The following BPIFB1 variants were observed in gnomAD, a reference collection of about 807,000 sequenced individuals.
The protein encoded by BPIFB1 is BPI fold-containing family B member 1.
In BPIFB1, 34 loss-of-function variants were observed where a neutral mutation model predicts 55.1. That is an observed-to-expected ratio of 0.62 (90% confidence interval 0.47 to 0.82). The LOEUF is 0.82. BPIFB1 is among the 40% of genes least tolerant of loss of function. The probability of loss-of-function intolerance (pLI) is 0.00; values close to 1 mark genes in which losing one functional copy is unlikely to be tolerated. For synonymous variants in BPIFB1, 236 were observed against 245.3 expected (o/e 0.96, Z 0.35); for missense variants, 532 against 593.1 (o/e 0.90, Z 1.07).
Position 33,288,780 on chromosome 20 carries a change from T to G in BPIFB1, c.155T>G (p.Ile52Ser), listed in dbSNP as rs1980353320. The G allele has an allele frequency of 6.2e-7, 1 of 1,613,824 alleles. No individual in the cohort carries two copies. Among genetic ancestry groups the G allele is most frequent in the Non-Finnish European group, 8.5e-7 (1 of 1,180,034 alleles). Reference protein sequence around the residue: ...QELKDHNATSILQQLPLLSAM... With the variant: ...QELKDHNATSSLQQLPLLSAM... ...CTGAAGGACCACAACGCCACCAGCA[T>G]CCTGCAGCAGCTGCCGCTGCTCAGT... Residue 52 changes from isoleucine (I) to serine (S), a missense_variant, in exon 3 of 16, where the codon ATC becomes AGC. Ile to Ser is a moderately radical substitution (Grantham distance 142, BLOSUM62 -2). Coordinates refer to ENST00000253354, the MANE Select transcript of BPIFB1 (RefSeq NM_033197.3).
At chr20:33,304,915 G>A (rs1980974667) in intron 13 of BPIFB1, 24 bp downstream of exon 13, 2 of 1,613,360 alleles carry the variant, frequency 1.2e-6, no homozygotes, top group South Asian at 1.1e-5. Context: ...GGTGGTGCCT[G>A]AGGGCACAGG....
At chr20:33,304,563 G>A (rs959204446) in intron 12 of BPIFB1, among the ~76,000 whole-genome samples, 62 of 152,176 alleles carry the variant, frequency 4.1e-4, no homozygotes, top group Admixed American at 3.3e-4. Context: ...GAATTGGGGC[G>A]CCCTTTGAAG....
intron 2 of BPIFB1, among the ~76,000 whole-genome samples, chr20:33,287,893 C>T (rs529001529): frequency 6.6e-6 from 1 of 152,220 alleles, no homozygotes; most frequent in African/African-American, 2.4e-5. Context: ...GAATCCCCCC[C>T]ATGCCCCTCC....
chr20:33,291,486 C>T (rs558209829), intron 5 of BPIFB1, among the ~76,000 whole-genome samples: 1 of 152,330 alleles, frequency 6.6e-6, no homozygotes, highest in East Asian at 1.9e-4. Context: ...CAAGTGGCCA[C>T]CCTGTGTCTC....
chr20:33,288,639 C>T, intron 2 of BPIFB1, 102 bp from the exon 3 acceptor site: 2 of 1,418,914 alleles, frequency 1.4e-6, no homozygotes, highest in Non-Finnish European at 1.9e-6. Context: ...CTCGCCTTAC[C>T]TCAGGGAGCC....
chr20:33,283,560 C>T lies in BPIFB1; in HGVS notation c.-42+306C>T, dbSNP rs1980166558. 3.9e-5 allele frequency among the ~76,000 whole-genome samples: 6 copies of T among 152,032 alleles called. No homozygotes were observed. In the South Asian group the frequency reaches 1.2e-3, roughly 32 times the overall value. On this transcript the variant is annotated intron_variant, in intron 1 of 15. Coordinates refer to ENST00000253354, the MANE Select transcript of BPIFB1 (RefSeq NM_033197.3). Reference sequence around the variant, plus strand: ...CAGCTGTGCTGCGGTGGTGCTGGGACAAAAGAAGCATGAGACGCAGACTCT... The same window carrying T: ...CAGCTGTGCTGCGGTGGTGCTGGGATAAAAGAAGCATGAGACGCAGACTCT...
In BPIFB1 at chr20:33,295,682, G is replaced by GAAAGAAAGAAAGAAAGAAAGAAAGAA. The variant is rs1568650131; in HGVS notation, c.598-1842_598-1841insAAGAAAGAAAGAAAGAAAGAAAGAAA. ...AAAGAGAGAAAGAAAGAAAGAAAGA[G>GAAAGAAAGAAAGAAAGAAAGAAAGAA]AGAAAAAAAGGGAGAAAAGGAAGCA... On this transcript the variant is annotated intron_variant, in intron 6 of 15. Transcript: ENST00000253354. Among the ~76,000 whole-genome samples the GAAAGAAAGAAAGAAAGAAAGAAAGAA allele has an allele frequency of 1.5e-4, 19 of 128,850 alleles. 1 individual carries two copies. The highest frequency in any genetic ancestry group is 7.5e-4 in the African/African-American group (18 of 23,956). The allele number at this position is 128,850 out of a possible 152,430, so 84.5% of individuals were successfully genotyped here.
chr20:33,290,807 C>A, intron 4 of BPIFB1, 150 bp from the exon 5 acceptor site: 1 of 808,632 alleles, frequency 1.2e-6, no homozygotes, highest in Non-Finnish European at 1.9e-6. Context: ...GAGCCTGGGA[C>A]ATGCTGGGGT....
intron 12 of BPIFB1, among the ~76,000 whole-genome samples, chr20:33,304,567 T>C (rs914966478): frequency 1.8e-4 from 28 of 152,288 alleles, no homozygotes; most frequent in African/African-American, 6.5e-4. Context: ...TGGGGCGCCC[T>C]TTGAAGGAGC....
intron 4 of BPIFB1, 79 bp downstream of exon 4, chr20:33,290,071 G>T: frequency 8.9e-7 from 1 of 1,129,752 alleles, no homozygotes. Flanking sequence ...CCACCATGCA[G>T]GTGTCTGGAA....
At chr20:33,285,530 G>A (rs560452364) in intron 1 of BPIFB1, among the ~76,000 whole-genome samples, 8 of 151,680 alleles carry the variant, frequency 5.3e-5, no homozygotes, top group Non-Finnish European at 8.8e-5. Flanking sequence ...TGGCTAACAC[G>A]GTGAAACCCC....
chr20:33,285,378 G>C (rs1047084277), intron 1 of BPIFB1, among the ~76,000 whole-genome samples: 3 of 151,222 alleles, frequency 2.0e-5, no homozygotes, highest in Non-Finnish European at 4.4e-5. Context: ...GGAAGCAGAA[G>C]TTCTTTGTTC....
chr20:33,291,779 C>T, intron 5 of BPIFB1, 128 bp from the exon 6 acceptor site: 1 of 793,050 alleles, frequency 1.3e-6, no homozygotes, highest in South Asian at 1.6e-5. Context: ...AGCCCCGTCT[C>T]TAACACGTCC....
In BPIFB1 at chr20:33,297,529, G is replaced by GT. The variant is rs1454050914; in HGVS notation, c.603dup (p.Pro202SerfsTer27). The GT allele has an allele frequency of 6.2e-7, 1 of 1,614,224 alleles. No individual in the cohort carries two copies. The highest frequency in any genetic ancestry group is 8.5e-7 in the Non-Finnish European group (1 of 1,180,036). On this transcript the variant is annotated frameshift_variant, in exon 7 of 16. Transcript: ENST00000253354. LOFTEE classifies it high-confidence loss of function. Reference sequence around the variant, plus strand: ...CCCTTGCTTATGCTGTTGCAGCTGTGTCCCGTGATCGAGGCTTCCTTCAAT... The same window carrying GT: ...CCCTTGCTTATGCTGTTGCAGCTGTGTTCCCGTGATCGAGGCTTCCTTCAAT...
chr20:33,294,394 T>G (rs1295205313), intron 6 of BPIFB1, among the ~76,000 whole-genome samples: 2 of 152,222 alleles, frequency 1.3e-5, no homozygotes, highest in East Asian at 1.9e-4. Context: ...ATGAATTGTG[T>G]GATCTCAAAG....
intron 2 of BPIFB1, 122 bp downstream of exon 2, chr20:33,286,310 G>A: frequency 2.4e-6 from 2 of 833,362 alleles, no homozygotes; most frequent in South Asian, 3.2e-5. Context: ...CCAGAACGTG[G>A]GTGAACATGA....
chr20:33,303,890 T>C, intron 11 of BPIFB1, 68 bp from the exon 12 acceptor site: 1 of 1,528,408 alleles, frequency 6.5e-7, no homozygotes, highest in South Asian at 1.1e-5. Context: ...AGAGCCTCCC[T>C]GCATAACCCC....
chr20:33,306,092 C>G (rs201932060), intron 14 of BPIFB1, 27 bp downstream of exon 14: 2 of 1,612,830 alleles, frequency 1.2e-6, no homozygotes, highest in Non-Finnish European at 1.7e-6. Flanking sequence ...TCTGTGCCCC[C>G]TCTCTCCCCA....
In BPIFB1 at chr20:33,302,844, C is replaced by T. The variant is rs936738004; in HGVS notation, c.982-72C>T. 162 of 1,563,872 alleles carry T rather than the reference C, an allele frequency of 1.0e-4. 1 individual carries two copies. The highest frequency in any genetic ancestry group is 1.4e-4 in the Non-Finnish European group (159 of 1,145,804). ...GGAGCCCAGGAAGGCAGGCAGGGGC[C>T]AGGCCACACACAGAGCCTGTGGGCC... On this transcript the variant is annotated intron_variant, in intron 10 of 15. Coordinates refer to ENST00000253354, the MANE Select transcript of BPIFB1 (RefSeq NM_033197.3).
Sources: gnomAD v4.1 joint callset for allele counts (sites outside exome capture counted in the v4.1 genomes callset) on GRCh38, gnomAD v4.1.1 for gene constraint, MANE v1.5 for transcripts, NCBI Gene and HGNC (gene_info 2026-07-23, HGNC 2026-07-21) for gene names.